The following ZBTB7C variants were observed in gnomAD, a reference collection of about 807,000 sequenced individuals.
ZBTB7C encodes zinc finger and BTB domain containing 7C.
In ZBTB7C, 8 loss-of-function variants were observed where a neutral mutation model predicts 25.7. The observed-to-expected ratio is 0.31, with a 90% CI of 0.18 to 0.56. The LOEUF (loss-of-function observed/expected upper bound fraction) is 0.56. Ranked by LOEUF, ZBTB7C falls within the 20% of genes least tolerant of loss-of-function variation. The pLI is 0.91. For synonymous variants in ZBTB7C, 394 were observed against 369.0 expected (o/e 1.07, Z -0.78); for missense variants, 824 against 855.2 (o/e 0.96, Z 0.46).
intron 2 of ZBTB7C, among the ~76,000 whole-genome samples, chr18:48,227,513 C>T (rs1235099381): frequency 6.6e-6 from 1 of 152,250 alleles, no homozygotes; most frequent in Admixed American, 6.5e-5. Context: ...CAAGTCTCAT[C>T]TTTCTGTTTG....
chr18:48,292,501 C>T (rs1368124607), intron 2 of ZBTB7C, among the ~76,000 whole-genome samples: 1 of 152,162 alleles, frequency 6.6e-6, no homozygotes, highest in African/African-American at 2.4e-5. Flanking sequence ...CCTCCTCCTG[C>T]GCCTGTCCCT....
chr18:48,167,434 C>A (rs545831588), intron 3 of ZBTB7C, among the ~76,000 whole-genome samples: 29 of 152,336 alleles, frequency 1.9e-4, no homozygotes, highest in African/African-American at 6.3e-4. Context: ...TGCACCCCAA[C>A]AAAGAAATGC....
In ZBTB7C at chr18:48,040,514, C is replaced by T; in HGVS notation, c.594G>A (p.Lys198=). The part of the protein sequence containing the change: ...SPSKTDHLTE[K]AYSDTPRDFP... Reference sequence around the variant, plus strand: ...AGTCCCTGGGGGTGTCTGAATAGGCCTTCTCTGTGAGATGGTCTGTCTTGG... The same window carrying T: ...AGTCCCTGGGGGTGTCTGAATAGGCTTTCTCTGTGAGATGGTCTGTCTTGG... Residue 198 remains lysine (K), a synonymous_variant, in exon 4 of 5, where the codon AAG becomes AAA. Coordinates refer to ENST00000590800, the MANE Select transcript of ZBTB7C (RefSeq NM_001318841.2). 1 of 1,613,868 alleles carries T rather than the reference C, an allele frequency of 6.2e-7. No homozygotes were observed. The highest frequency in any genetic ancestry group is 8.5e-7 in the Non-Finnish European group (1 of 1,179,878).
Position 48,029,831 on chromosome 18 carries a change from A to G in ZBTB7C, c.1289T>C (p.Val430Ala). 1.2e-6 allele frequency: 2 copies of G among 1,609,982 alleles called. No individual in the cohort carries two copies. The highest frequency in any genetic ancestry group is 8.5e-7 in the Non-Finnish European group (1 of 1,179,960). ...YLCIHCNAKF[V>A]HNYDLKNHMR... ...GTGGTTCTTGAGGTCGTAGTTGTGC[A>G]CGAACTTGGCGTTGCAGTGGATGCA... Residue 430 changes from valine (V) to alanine (A), a missense_variant, in exon 5 of 5, where the codon GTG (valine) becomes GCG (alanine). Physicochemically the swap from Val to Ala is moderately conservative, Grantham distance 64 (BLOSUM62 0). Transcript: ENST00000590800.
intron 3 of ZBTB7C, among the ~76,000 whole-genome samples, chr18:48,133,280 T>C (rs1002970919): frequency 2.6e-5 from 4 of 152,154 alleles, no homozygotes; most frequent in Non-Finnish European, 5.9e-5. Flanking sequence ...GCGGATGAAG[T>C]GGAAGGAGGC....
intron 2 of ZBTB7C, among the ~76,000 whole-genome samples, chr18:48,318,447 G>T (rs1228434957): frequency 2.6e-5 from 4 of 152,054 alleles, no homozygotes; most frequent in Admixed American, 2.6e-4. Context: ...AGGGAGGCAA[G>T]TTCCACACAG....
intron 2 of ZBTB7C, among the ~76,000 whole-genome samples, chr18:48,261,908 G>C (rs983484810): frequency 1.3e-5 from 2 of 152,236 alleles, no homozygotes; most frequent in Non-Finnish European, 2.9e-5. Context: ...GGCCTTCCTT[G>C]TACAGAATAC....
At chr18:48,202,632 G>A (rs971959382) in intron 2 of ZBTB7C, among the ~76,000 whole-genome samples, 2 of 152,068 alleles carry the variant, frequency 1.3e-5, no homozygotes, top group African/African-American at 4.8e-5. Context: ...CAGATCCTCA[G>A]TGGGGATGGG....
intron 2 of ZBTB7C, among the ~76,000 whole-genome samples, chr18:48,310,765 G>T (rs115987681): frequency 1.3e-5 from 2 of 152,224 alleles, no homozygotes; most frequent in Non-Finnish European, 2.9e-5. Flanking sequence ...GCTCTGGGGA[G>T]TCTGAGATGG....
intron 3 of ZBTB7C, among the ~76,000 whole-genome samples, chr18:48,139,372 C>A (rs1167537159): frequency 6.6e-6 from 1 of 152,116 alleles, no homozygotes; most frequent in Non-Finnish European, 1.5e-5. Context: ...CCTTTTCAAA[C>A]CCAGCTGGAG....
chr18:48,168,040 C>T (rs1482051032), intron 3 of ZBTB7C, among the ~76,000 whole-genome samples: 2 of 152,190 alleles, frequency 1.3e-5, no homozygotes, highest in East Asian at 3.9e-4. Flanking sequence ...TTGATTTGGC[C>T]TTGGTGACCA....
At chr18:48,191,765 CAGGG>C (rs1486054511) in intron 2 of ZBTB7C, among the ~76,000 whole-genome samples, 26 of 152,182 alleles carry the variant, frequency 1.7e-4, no homozygotes, top group African/African-American at 6.3e-4. Flanking sequence ...TCTGCAGTGA[CAGGG>C]AGGCAGCAGC....
At chr18:48,098,974 G>T (rs748684895) in intron 3 of ZBTB7C, among the ~76,000 whole-genome samples, 1 of 152,166 alleles carries the variant, frequency 6.6e-6, no homozygotes, top group African/African-American at 2.4e-5. Flanking sequence ...TTTGCTGAGC[G>T]GAGGCAGTGG....
intron 1 of ZBTB7C, among the ~76,000 whole-genome samples, chr18:48,359,528 A>C (rs1224533758): frequency 2.0e-5 from 3 of 152,202 alleles, no homozygotes; most frequent in Non-Finnish European, 4.4e-5. Context: ...TGTACGAAGG[A>C]AAATTTCAAG....
chr18:48,207,618 C>CTATCTATCTATCT (rs1568302900), intron 2 of ZBTB7C, among the ~76,000 whole-genome samples: 2 of 102,884 alleles, frequency 1.9e-5, no homozygotes, highest in African/African-American at 6.4e-5. Flanking sequence ...TCTATCTATC[C>CTATCTATCTATCT]ATCTAAAATA....
intron 2 of ZBTB7C, among the ~76,000 whole-genome samples, chr18:48,215,311 A>C (rs1200313884): frequency 1.3e-5 from 2 of 152,184 alleles, no homozygotes; most frequent in Admixed American, 1.3e-4. Flanking sequence ...AATATTCAAA[A>C]ATATTTATTC....
chr18:48,219,460 T>C (rs1187381238), intron 2 of ZBTB7C, among the ~76,000 whole-genome samples: 4 of 152,230 alleles, frequency 2.6e-5, no homozygotes, highest in African/African-American at 9.6e-5. Flanking sequence ...GCAAGTACCA[T>C]ATCATTCCCA....
At chr18:48,381,756 G>C (rs2145209859) in intron 1 of ZBTB7C, among the ~76,000 whole-genome samples, 1 of 152,324 alleles carries the variant, frequency 6.6e-6, no homozygotes, top group Middle Eastern at 3.4e-3. Context: ...AGTCAGCTGT[G>C]GCTGCTCCAC....
intron 3 of ZBTB7C, chr18:48,162,426 A>T (rs2041094244): frequency 2.2e-6 from 1 of 456,408 alleles, no homozygotes; most frequent in African/African-American, 2.0e-5. Context: ...AATAGTATTC[A>T]CCTCACTGAG....
Sources: gnomAD v4.1 joint callset for allele counts (sites outside exome capture counted in the v4.1 genomes callset) on GRCh38, gnomAD v4.1.1 for gene constraint, MANE v1.5 for transcripts, NCBI Gene and HGNC (gene_info 2026-07-23, HGNC 2026-07-21) for gene names.